Variants in PIP5K1B observed in about 807,000 individuals in gnomAD.
PIP5K1B encodes phosphatidylinositol-4-phosphate 5-kinase type 1 beta, also known as phosphatidylinositol 4-phosphate 5-kinase type-1 beta.
PIP5K1B carries 42 observed loss-of-function variants against 67.0 expected under a neutral mutation model. The observed-to-expected ratio is 0.63, with a 90% CI of 0.49 to 0.81. The LOEUF (loss-of-function observed/expected upper bound fraction) is 0.81, where lower values mean the gene tolerates loss of function less well. PIP5K1B is among the 30% of genes least tolerant of loss of function. The pLI is 0.00. For synonymous variants in PIP5K1B, 214 were observed against 231.4 expected, an observed-to-expected ratio of 0.92 and a Z score of 0.68; for missense variants, 459 against 646.3, an observed-to-expected ratio of 0.71 and a Z score of 3.14.
intron 8 of PIP5K1B, among the ~76,000 whole-genome samples, chr9:68,906,057 T>G (rs1825595628): frequency 1.3e-5 from 2 of 152,208 alleles, no homozygotes; most frequent in African/African-American, 4.8e-5. Flanking sequence ...CTCATTCTGT[T>G]GCCCAGGCTG....
At chr9:68,891,303 A>G (rs1445715447) in intron 7 of PIP5K1B, among the ~76,000 whole-genome samples, 2 of 152,222 alleles carry the variant, frequency 1.3e-5, no homozygotes, top group East Asian at 3.8e-4. Flanking sequence ...TATGTAAGCT[A>G]GTATAACAAT....
chr9:68,861,714 CT>C (rs1002577474), intron 4 of PIP5K1B, among the ~76,000 whole-genome samples: 22 of 152,110 alleles, frequency 1.4e-4, no homozygotes, highest in Non-Finnish European at 2.9e-5. Flanking sequence ...CCTTACCAGT[CT>C]GAGTGACGCA....
rs569086418 is a variant in PIP5K1B at position 68,915,009 on chromosome 9, TAGTGA to T, written c.772-2538_772-2534del. On this transcript the variant is annotated intron_variant, in intron 8 of 15. Transcript: ENST00000265382. ...GATGAGTCACCGTGAATTATAATCATAGTGATAAGAGCTAGCAATTAATTAAGCAC... is the reference window on the plus strand; with the variant it reads ...GATGAGTCACCGTGAATTATAATCATTAAGAGCTAGCAATTAATTAAGCAC... Among the ~76,000 whole-genome samples the T allele has an allele frequency of 1.6e-4, 24 of 152,352 alleles. No individual in the cohort carries two copies. The South Asian group carries it at 4.1e-3, about 26-fold the overall frequency.
intron 4 of PIP5K1B, among the ~76,000 whole-genome samples, chr9:68,852,005 C>G (rs1461868078): frequency 6.6e-6 from 1 of 152,112 alleles, no homozygotes; most frequent in Admixed American, 6.5e-5. Flanking sequence ...AAGAGGGACT[C>G]TTTTTATGAG....
chr9:68,726,944 A>G (rs762390600), intron 1 of PIP5K1B, among the ~76,000 whole-genome samples: 4 of 151,910 alleles, frequency 2.6e-5, no homozygotes, highest in Non-Finnish European at 4.4e-5. Flanking sequence ...GATTTTTGGT[A>G]AGGTGCTAAA....
intron 2 of PIP5K1B, among the ~76,000 whole-genome samples, chr9:68,787,821 C>T (rs986501734): frequency 5.9e-5 from 9 of 151,924 alleles, no homozygotes; most frequent in African/African-American, 1.7e-4. Flanking sequence ...TTAGTAGAGA[C>T]GGGGTTTCAC....
chr9:68,854,741 A>G (rs1822683784), intron 4 of PIP5K1B, among the ~76,000 whole-genome samples: 1 of 152,224 alleles, frequency 6.6e-6, no homozygotes, highest in Non-Finnish European at 1.5e-5. Flanking sequence ...TATAAAACAT[A>G]AAATTTAGAA....
At chr9:68,716,120 C>G (rs1827622728) in intron 1 of PIP5K1B, among the ~76,000 whole-genome samples, 2 of 152,094 alleles carry the variant, frequency 1.3e-5, no homozygotes, top group South Asian at 2.1e-4. Flanking sequence ...GGAAGGAAAG[C>G]AGAGCAAGAG....
chr9:68,729,739 G>A (rs1828330550), intron 1 of PIP5K1B, among the ~76,000 whole-genome samples: 2 of 152,096 alleles, frequency 1.3e-5, no homozygotes, highest in Non-Finnish European at 2.9e-5. Context: ...AAGTAACTGA[G>A]TCTTAAGAAA....
intron 15 of PIP5K1B, among the ~76,000 whole-genome samples, chr9:69,005,931 A>T (rs1831058087): frequency 6.6e-6 from 1 of 151,656 alleles, no homozygotes; most frequent in Non-Finnish European, 1.5e-5. Context: ...CCAGGCTGGA[A>T]TGCAGCAGTG....
chr9:68,733,093 C>T (rs112962581), intron 1 of PIP5K1B, among the ~76,000 whole-genome samples: 12 of 152,214 alleles, frequency 7.9e-5, no homozygotes, highest in African/African-American at 2.6e-4. Context: ...TGTAAATGCT[C>T]ATGTACTTGT....
chr9:68,909,283 T>G (rs533396604), intron 8 of PIP5K1B, among the ~76,000 whole-genome samples: 25 of 151,932 alleles, frequency 1.6e-4, no homozygotes, highest in Non-Finnish European at 3.2e-4. Context: ...ATCTAGGTTT[T>G]TTTGTTTGTT....
Position 68,729,931 on chromosome 9 carries a change from G to GAA in PIP5K1B, c.-242-12560_-242-12559dup, listed in dbSNP as rs57512192. On this transcript the variant is annotated intron_variant, in intron 1 of 15. Transcript: ENST00000265382. ...TTTCAAGGGAAAATAAGTCAAAGGA[G>GAA]AAAAAAAAAAATCTTGTTAGAACAA... 7.0e-3 allele frequency among the ~76,000 whole-genome samples: 1,023 copies of GAA among 145,258 alleles called. 9 individuals are homozygous for GAA. Among genetic ancestry groups the GAA allele is most frequent in the African/African-American group, 0.024 (939 of 39,876 alleles).
intron 2 of PIP5K1B, chr9:68,789,097 C>T: frequency 1.8e-6 from 1 of 552,060 alleles, no homozygotes; most frequent in Admixed American, 2.2e-5. Context: ...TCAATAATGG[C>T]ATCAATCTCT....
At chr9:68,891,022 T>C (rs1427310346) in intron 7 of PIP5K1B, among the ~76,000 whole-genome samples, 3 of 152,080 alleles carry the variant, frequency 2.0e-5, no homozygotes, top group Non-Finnish European at 4.4e-5. Flanking sequence ...CCAAGGTGGG[T>C]GGATCACTTG....
chr9:68,864,961 T>C (rs1005934763), intron 5 of PIP5K1B, among the ~76,000 whole-genome samples: 3 of 152,208 alleles, frequency 2.0e-5, no homozygotes, highest in African/African-American at 7.2e-5. Flanking sequence ...ATAATTGTCT[T>C]TACACATTTA....
At chr9:68,822,384 C>T in intron 3 of PIP5K1B, 1 of 413,788 alleles carries the variant, frequency 2.4e-6, no homozygotes, top group Non-Finnish European at 4.3e-6. Flanking sequence ...TTTCTTAGAG[C>T]ATATGGGATA....
rs1402393245 is a variant in PIP5K1B, at chr9:69,002,571, T to C, written c.1621-5876T>C. On this transcript the variant is annotated intron_variant, in intron 15 of 15. Transcript: ENST00000265382. ...CCCCAAATGATTGTGCCTTGTGAAG[T>C]AATTCCCAATAGAGGATAGATATGA... Among the ~76,000 whole-genome samples, 3 of 152,238 alleles carry C rather than the reference T, an allele frequency of 2.0e-5. No homozygotes were observed. The East Asian group carries it at 5.8e-4, about 29-fold the overall frequency.
intron 4 of PIP5K1B, among the ~76,000 whole-genome samples, chr9:68,823,420 T>C (rs370275795): frequency 1.3e-5 from 2 of 152,182 alleles, no homozygotes; most frequent in East Asian, 1.9e-4. Flanking sequence ...CCACCAACAT[T>C]TAAAACATTT....
Sources: allele counts gnomAD v4.1 joint callset (sites outside exome capture counted in the v4.1 genomes callset), GRCh38; gene constraint gnomAD v4.1.1; transcripts MANE v1.5; gene names NCBI Gene and HGNC (gene_info 2026-07-23, HGNC 2026-07-21).